Variants in BMAL2 observed in about 807,000 individuals in gnomAD.
BMAL2 encodes the protein basic helix-loop-helix ARNT-like protein 2.
At chr12:27,351,137 T>C in the BMAL2 span, among the ~76,000 whole-genome samples, 2 of 151,888 alleles carry the variant, frequency 1.3e-5, no homozygotes, top group Admixed American at 6.6e-5. Context: ...TACAGGTGTG[T>C]GCCACCACAC....
the BMAL2 span, among the ~76,000 whole-genome samples, chr12:27,356,561 G>C: frequency 2.0e-5 from 3 of 152,132 alleles, no homozygotes; most frequent in Admixed American, 6.5e-5. Flanking sequence ...AAAGTAAGAC[G>C]TGATACTTAG....
chr12:27,400,419 G>A, the BMAL2 span: 16 of 841,510 alleles, frequency 1.9e-5, no homozygotes, highest in South Asian at 2.2e-4. Flanking sequence ...TCATATTTTA[G>A]CATATTTAAA....
the BMAL2 span, among the ~76,000 whole-genome samples, chr12:27,397,239 T>C: frequency 1.3e-5 from 2 of 152,046 alleles, no homozygotes; most frequent in Non-Finnish European, 1.5e-5. Context: ...CCTGGCTAAT[T>C]TTTTGTATTT....
At chr12:27,401,663 C>T in the BMAL2 span, 1 of 1,587,324 alleles carries the variant, frequency 6.3e-7, no homozygotes, top group South Asian at 1.2e-5. Context: ...TATCTGTCAA[C>T]ACTTTAGTTT....
At chr12:27,370,016 C>T in the BMAL2 span, 1 of 728,488 alleles carries the variant, frequency 1.4e-6, no homozygotes, top group Admixed American at 2.2e-5. Flanking sequence ...CACCCAGCTT[C>T]CTATCACTGG....
the BMAL2 span, chr12:27,385,395 CCAG>C: frequency 4.5e-5 from 33 of 736,844 alleles, no homozygotes; most frequent in Non-Finnish European, 5.4e-5. Flanking sequence ...AGAGCAAATA[CCAG>C]CAGCAGCAGC....
chr12:27,401,149 C>A, the BMAL2 span: 5 of 872,218 alleles, frequency 5.7e-6, no homozygotes, highest in Non-Finnish European at 9.4e-6. Flanking sequence ...GGTCACTCAT[C>A]CCCTACCCTG....
chr12:27,391,875 G>A, the BMAL2 span, among the ~76,000 whole-genome samples: 2 of 152,224 alleles, frequency 1.3e-5, no homozygotes, highest in African/African-American at 4.8e-5. Context: ...CCAAGGCTCT[G>A]AGTGGTGGAG....
the BMAL2 span, among the ~76,000 whole-genome samples, chr12:27,334,921 G>A: frequency 6.6e-6 from 1 of 152,280 alleles, no homozygotes; most frequent in East Asian, 1.9e-4. Context: ...CAGTTATACA[G>A]CCAGGACATG....
At chr12:27,390,698 A>C in the BMAL2 span, among the ~76,000 whole-genome samples, 1 of 152,158 alleles carries the variant, frequency 6.6e-6, no homozygotes, top group Non-Finnish European at 1.5e-5. Flanking sequence ...TAAATATCTC[A>C]TTTGTTTTCT....
At chr12:27,425,073 T>G in the BMAL2 span, 1 of 152,206 alleles carries the variant, frequency 6.6e-6, no homozygotes, top group African/African-American at 2.4e-5. Flanking sequence ...CTTTCTGAAC[T>G]CACTTGAGAG....
the BMAL2 span, among the ~76,000 whole-genome samples, chr12:27,369,806 G>T: frequency 6.6e-6 from 1 of 152,196 alleles, no homozygotes; most frequent in African/African-American, 2.4e-5. Context: ...AGTGGAGTCA[G>T]TGCTAGCAAA....
At chr12:27,361,848 G>A in the BMAL2 span, among the ~76,000 whole-genome samples, 1 of 152,106 alleles carries the variant, frequency 6.6e-6, no homozygotes, top group Admixed American at 6.6e-5. Context: ...ATGGAACATA[G>A]CTAATTATAA....
At chr12:27,396,229 T>C in the BMAL2 span, among the ~76,000 whole-genome samples, 1 of 152,186 alleles carries the variant, frequency 6.6e-6, no homozygotes, top group Non-Finnish European at 1.5e-5. Context: ...GGATCACCCG[T>C]GGCTCATGCA....
At chr12:27,379,763 G>A in the BMAL2 span, among the ~76,000 whole-genome samples, 2 of 152,080 alleles carry the variant, frequency 1.3e-5, no homozygotes, top group African/African-American at 4.8e-5. Context: ...GCTGAGGGGG[G>A]AAGACGGTAG....
chr12:27,412,639 A>C, the BMAL2 span, among the ~76,000 whole-genome samples: 1 of 152,094 alleles, frequency 6.6e-6, no homozygotes, highest in Non-Finnish European at 1.5e-5. Context: ...CAATGTACAC[A>C]TGTGTGTGTC....
the BMAL2 span, among the ~76,000 whole-genome samples, chr12:27,390,949 G>A: frequency 7.2e-5 from 11 of 152,170 alleles, no homozygotes; most frequent in Admixed American, 2.6e-4. Context: ...AGTTTTGGTC[G>A]GAATCTTTTT....
At chr12:27,387,318 C>T in the BMAL2 span, 1 of 1,573,010 alleles carries the variant, frequency 6.4e-7, no homozygotes, top group Non-Finnish European at 8.7e-7. Context: ...TAATTATGAT[C>T]AGGTATCCAA....
At chr12:27,379,665 G>A in the BMAL2 span, among the ~76,000 whole-genome samples, 2 of 152,138 alleles carry the variant, frequency 1.3e-5, no homozygotes, top group Admixed American at 6.5e-5. Flanking sequence ...TTTTAGTGGG[G>A]CAGGGGTTGT....
Sources: allele counts gnomAD v4.1 joint callset (sites outside exome capture counted in the v4.1 genomes callset), GRCh38; gene constraint gnomAD v4.1.1; transcripts MANE v1.5; gene names NCBI Gene and HGNC (gene_info 2026-07-23, HGNC 2026-07-21).